The following IMMP2L variants were observed in gnomAD, a reference collection of about 807,000 sequenced individuals.
IMMP2L encodes inner mitochondrial membrane peptidase subunit 2.
Under a neutral mutation model 19.3 loss-of-function variants are expected in IMMP2L, and 18 were observed. The ratio of observed to expected loss-of-function variants is 0.93; its 90% CI spans 0.64 to 1.38. The LOEUF (loss-of-function observed/expected upper bound fraction) is 1.38. Ranked by LOEUF, IMMP2L falls within the 40% of genes most tolerant of loss-of-function variation. The pLI is 0.00. For missense variants in IMMP2L, 233 were observed against 218.2 expected (o/e 1.07, Z -0.43); for synonymous variants, 76 against 73.0 (o/e 1.04, Z -0.21).
At chr7:111,138,034 T>G (rs1802513842) in intron 3 of IMMP2L, among the ~76,000 whole-genome samples, 1 of 152,160 alleles carries the variant, frequency 6.6e-6, no homozygotes, top group African/African-American at 2.4e-5. Flanking sequence ...TTCCCCATGT[T>G]GCGCAGGCTG....
intron 3 of IMMP2L, among the ~76,000 whole-genome samples, chr7:111,127,458 T>C (rs1013853662): frequency 2.6e-5 from 4 of 152,208 alleles, no homozygotes; most frequent in Non-Finnish European, 4.4e-5. Flanking sequence ...AATAGACATC[T>C]AGTAGTGAGC....
chr7:110,752,562 A>G (rs968159227), intron 5 of IMMP2L, among the ~76,000 whole-genome samples: 1 of 152,054 alleles, frequency 6.6e-6, no homozygotes, highest in Non-Finnish European at 1.5e-5. Context: ...CAAGTCTAGT[A>G]TTCCAGGGTC....
At chr7:110,749,284 TA>T (rs1584712924) in intron 5 of IMMP2L, among the ~76,000 whole-genome samples, 1 of 152,166 alleles carries the variant, frequency 6.6e-6, no homozygotes, top group Admixed American at 6.5e-5. Flanking sequence ...GGAACGTTTT[TA>T]CACTGTTGGT....
At chr7:110,988,689 A>C (rs1376647845) in intron 3 of IMMP2L, among the ~76,000 whole-genome samples, 1 of 152,216 alleles carries the variant, frequency 6.6e-6, no homozygotes, top group Non-Finnish European at 1.5e-5. Context: ...AAAAAATAAA[A>C]GGAACTATTT....
intron 5 of IMMP2L, among the ~76,000 whole-genome samples, chr7:110,805,756 C>G (rs899639674): frequency 6.6e-6 from 1 of 151,954 alleles, no homozygotes; most frequent in African/African-American, 2.4e-5. Flanking sequence ...AATGCAGTAA[C>G]ATTGGCCTTA....
At chr7:111,146,099 A>C (rs1803437698) in intron 3 of IMMP2L, among the ~76,000 whole-genome samples, 1 of 152,144 alleles carries the variant, frequency 6.6e-6, no homozygotes, top group African/African-American at 2.4e-5. Context: ...GTAATGTAAT[A>C]TACCCACAAA....
chr7:111,296,830 A>G (rs140305157), intron 3 of IMMP2L, among the ~76,000 whole-genome samples: 75 of 152,176 alleles, frequency 4.9e-4, no homozygotes, highest in Middle Eastern at 3.4e-3. Context: ...TGTTATAGCC[A>G]TACTACTCAG....
At chr7:111,472,600 C>T (rs190856317) in intron 3 of IMMP2L, among the ~76,000 whole-genome samples, 273 of 152,144 alleles carry the variant, frequency 1.8e-3, no homozygotes, top group Admixed American at 2.7e-3. Flanking sequence ...CAATATACTC[C>T]AACAACTATA....
intron 3 of IMMP2L, among the ~76,000 whole-genome samples, chr7:111,376,524 A>C (rs1379835954): frequency 1.3e-5 from 2 of 152,142 alleles, no homozygotes; most frequent in Non-Finnish European, 2.9e-5. Flanking sequence ...CAGAGTTACC[A>C]TATAATCCAT....
chr7:110,830,227 T>TG (rs1803847153), intron 5 of IMMP2L, among the ~76,000 whole-genome samples: 1 of 152,130 alleles, frequency 6.6e-6, no homozygotes, highest in South Asian at 2.1e-4. Context: ...AGGGAATTGA[T>TG]GGGCTGACAG....
chr7:111,277,245 A>C (rs1054042426), intron 3 of IMMP2L, among the ~76,000 whole-genome samples: 2 of 152,094 alleles, frequency 1.3e-5, no homozygotes, highest in Non-Finnish European at 2.9e-5. Flanking sequence ...CAACGAACTC[A>C]AACAACTCTA....
intron 3 of IMMP2L, among the ~76,000 whole-genome samples, chr7:111,331,922 T>C (rs1825917175): frequency 1.3e-5 from 2 of 151,978 alleles, no homozygotes; most frequent in African/African-American, 2.4e-5. Context: ...TGTTATTAAC[T>C]GGGAAAGTTA....
chr7:111,186,462 C>T (rs912844265), intron 3 of IMMP2L, among the ~76,000 whole-genome samples: 13 of 151,982 alleles, frequency 8.6e-5, no homozygotes, highest in African/African-American at 2.9e-4. Context: ...CTCTTGTTGC[C>T]CAAGCTGGAG....
chr7:111,540,982 T>G (rs1327468357), intron 1 of IMMP2L, among the ~76,000 whole-genome samples: 2 of 152,238 alleles, frequency 1.3e-5, no homozygotes, highest in East Asian at 3.9e-4. Flanking sequence ...AAAGACCAAG[T>G]GCCCACTCTG....
rs1452264511 is a variant in IMMP2L, at chr7:110,663,367, T to G, written c.*235A>C. On this transcript the variant is annotated 3_prime_UTR_variant, in exon 6 of 6. Transcript: ENST00000405709. ...TTTTATATTCCCAAAGGTCTGCATA[T>G]TTTGGGGGCATTAAACAACAGGGAA... is the stretch of plus-strand genomic sequence containing the variant. 1.0e-5 allele frequency: 4 copies of G among 382,906 alleles called. No homozygotes were observed. Among genetic ancestry groups the G allele is most frequent in the East Asian group, 5.5e-5 (1 of 18,158 alleles). 23.7% of individuals were successfully genotyped at this position (382,906 alleles called of 1,614,324 possible).
chr7:110,917,273 C>T (rs1813715248), intron 4 of IMMP2L, among the ~76,000 whole-genome samples: 1 of 152,146 alleles, frequency 6.6e-6, no homozygotes, highest in African/African-American at 2.4e-5. Context: ...GCCTCTAGAA[C>T]TGTGAGAGAA....
chr7:111,200,945 A>G (rs1206440802), intron 3 of IMMP2L, among the ~76,000 whole-genome samples: 3 of 152,204 alleles, frequency 2.0e-5, no homozygotes, highest in Non-Finnish European at 2.9e-5. Flanking sequence ...GAACAAAATT[A>G]TAGTACTATA....
intron 5 of IMMP2L, among the ~76,000 whole-genome samples, chr7:110,818,458 G>A (rs1802736175): frequency 6.6e-6 from 1 of 152,054 alleles, no homozygotes; most frequent in Admixed American, 6.6e-5. Context: ...AAAAAGTCAG[G>A]AAACAACAGG....
chr7:110,813,111 G>A (rs946675350), intron 5 of IMMP2L, among the ~76,000 whole-genome samples: 1 of 151,964 alleles, frequency 6.6e-6, no homozygotes, highest in Non-Finnish European at 1.5e-5. Context: ...CAGGATTAAG[G>A]ACATTGTGAA....
Sources: allele counts gnomAD v4.1 joint callset (sites outside exome capture counted in the v4.1 genomes callset), GRCh38; gene constraint gnomAD v4.1.1; transcripts MANE v1.5; gene names NCBI Gene and HGNC (gene_info 2026-07-23, HGNC 2026-07-21).